ZNF804B: variants seen among roughly 807,000 people sequenced by gnomAD.
ZNF804B encodes zinc finger 804B.
In ZNF804B, 80 loss-of-function variants were observed where a neutral mutation model predicts 101.4. The observed-to-expected ratio is 0.79, with a 90% CI of 0.66 to 0.95. The LOEUF (loss-of-function observed/expected upper bound fraction) is 0.95, where lower values mean the gene tolerates loss of function less well. Among genes scored for constraint, ZNF804B ranks in the 40% least tolerant of loss-of-function variants. The pLI is 0.00. For synonymous variants in ZNF804B, 622 were observed against 558.8 expected, an observed-to-expected ratio of 1.11 and a Z score of -1.59; for missense variants, 1,673 against 1,561.9, an observed-to-expected ratio of 1.07 and a Z score of -1.20.
intron 1 of ZNF804B, among the ~76,000 whole-genome samples, chr7:88,939,630 G>A (rs1389339197): frequency 1.1e-4 from 16 of 151,694 alleles, no homozygotes; most frequent in Admixed American, 1.1e-3. Flanking sequence ...CCACAGTCGT[G>A]CACTAGATTA....
intron 1 of ZNF804B, among the ~76,000 whole-genome samples, chr7:88,907,284 C>G (rs1304115425): frequency 1.3e-5 from 2 of 151,888 alleles, no homozygotes; most frequent in South Asian, 2.1e-4. Context: ...GTCTTTTTAT[C>G]CAGTTCTTCA....
chr7:89,306,153 C>A lies in ZNF804B; in HGVS notation c.250-21191C>A, dbSNP rs562261510. 1.2e-3 allele frequency among the ~76,000 whole-genome samples: 175 copies of A among 152,058 alleles called. 2 individuals carry two copies. Among genetic ancestry groups the A allele is most frequent in the African/African-American group, 4.0e-3 (168 of 41,516 alleles). On this transcript the variant is annotated intron_variant, in intron 2 of 3. Transcript: ENST00000333190. ...CCAAGCACAATTTGTATCCAATCAG[C>A]AAACAATTCAGAGATCAAAGAAGAT... is the stretch of plus-strand genomic sequence containing the variant.
intron 1 of ZNF804B, among the ~76,000 whole-genome samples, chr7:88,890,418 T>C (rs1792199370): frequency 1.3e-5 from 2 of 152,212 alleles, no homozygotes; most frequent in Non-Finnish European, 1.5e-5. Flanking sequence ...TGGTATTGCA[T>C]GGTAAGACCA....
intron 1 of ZNF804B, among the ~76,000 whole-genome samples, chr7:88,926,455 C>T (rs1385045598): frequency 6.9e-6 from 1 of 144,390 alleles, no homozygotes; most frequent in Non-Finnish European, 1.5e-5. Flanking sequence ...AATAGCCGGG[C>T]GTAGTGGTGC....
Position 88,770,461 on chromosome 7 carries a change from G to A in ZNF804B, c.108+10377G>A, listed in dbSNP as rs576414184. Among the ~76,000 whole-genome samples, 66 of 152,288 alleles carry A rather than the reference G, an allele frequency of 4.3e-4. 1 individual carries two copies. The South Asian group carries it at 4.3e-3, about 10-fold the overall frequency. ...CAAGTAAATGGATTCTCCCATAGAG[G>A]CTCAAGAAAAATCACAGCCTTACTA... On this transcript the variant is annotated intron_variant, in intron 1 of 3. Transcript: ENST00000333190.
intron 1 of ZNF804B, among the ~76,000 whole-genome samples, chr7:88,796,647 T>G (rs1586906813): frequency 6.6e-6 from 1 of 152,246 alleles, no homozygotes; most frequent in South Asian, 2.1e-4. Context: ...TGCCCGGCAA[T>G]ACCTTCTCAC....
At chr7:89,055,213 G>A (rs1362583011) in intron 1 of ZNF804B, among the ~76,000 whole-genome samples, 1 of 152,072 alleles carries the variant, frequency 6.6e-6, no homozygotes. Flanking sequence ...CTGAGGAAAG[G>A]CTGAGTACAA....
At chr7:88,938,539 T>C (rs1031989281) in intron 1 of ZNF804B, among the ~76,000 whole-genome samples, 1 of 152,020 alleles carries the variant, frequency 6.6e-6, no homozygotes, top group African/African-American at 2.4e-5. Context: ...TATATAGGGT[T>C]AAATAAAAGC....
intron 1 of ZNF804B, among the ~76,000 whole-genome samples, chr7:88,882,701 G>A (rs531233387): frequency 6.6e-6 from 1 of 152,134 alleles, no homozygotes; most frequent in South Asian, 2.1e-4. Context: ...CATGTCATTT[G>A]TGGCAACACG....
At chr7:88,954,999 G>A (rs531230787) in intron 1 of ZNF804B, among the ~76,000 whole-genome samples, 235 of 151,024 alleles carry the variant, frequency 1.6e-3, no homozygotes, top group Non-Finnish European at 2.8e-3. Context: ...TGCGGCTCAC[G>A]GTTATAATCC....
At chr7:89,294,267 T>C (rs1313869345) in intron 2 of ZNF804B, among the ~76,000 whole-genome samples, 1 of 152,218 alleles carries the variant, frequency 6.6e-6, no homozygotes, top group African/African-American at 2.4e-5. Flanking sequence ...CTTTAAACTC[T>C]GTAATGCCAA....
At chr7:89,274,123 T>G (rs1789939460) in intron 2 of ZNF804B, among the ~76,000 whole-genome samples, 1 of 150,154 alleles carries the variant, frequency 6.7e-6, no homozygotes, top group Non-Finnish European at 1.5e-5. Context: ...CCCTGCTTCA[T>G]TCTTTTTTTT....
chr7:88,931,518 A>G (rs1451208092), intron 1 of ZNF804B, among the ~76,000 whole-genome samples: 2 of 152,050 alleles, frequency 1.3e-5, no homozygotes, highest in African/African-American at 2.4e-5. Flanking sequence ...ATACTACATT[A>G]GTTGTCTATG....
chr7:89,153,535 C>T (rs754207498), intron 1 of ZNF804B, among the ~76,000 whole-genome samples: 3 of 151,392 alleles, frequency 2.0e-5, no homozygotes, highest in East Asian at 3.9e-4. Flanking sequence ...AATGAATTTC[C>T]GAAGCCTGGT....
intron 1 of ZNF804B, among the ~76,000 whole-genome samples, chr7:88,918,884 A>G (rs1224881402): frequency 6.6e-6 from 1 of 152,120 alleles, no homozygotes; most frequent in Non-Finnish European, 1.5e-5. Flanking sequence ...TATATTTCTT[A>G]CATACAGAGT....
At chr7:88,903,325 G>A (rs951165610) in intron 1 of ZNF804B, among the ~76,000 whole-genome samples, 2 of 152,078 alleles carry the variant, frequency 1.3e-5, no homozygotes, top group Non-Finnish European at 2.9e-5. Flanking sequence ...TAGTGTATCT[G>A]TACCACGTTT....
At chr7:88,772,288 C>A (rs1440309332) in intron 1 of ZNF804B, among the ~76,000 whole-genome samples, 1 of 152,100 alleles carries the variant, frequency 6.6e-6, no homozygotes, top group Non-Finnish European at 1.5e-5. Context: ...TACAAAAAAA[C>A]CATAAATCTT....
At chr7:88,763,679 C>G (rs1789933670) in intron 1 of ZNF804B, among the ~76,000 whole-genome samples, 1 of 151,988 alleles carries the variant, frequency 6.6e-6, no homozygotes, top group African/African-American at 2.4e-5. Context: ...CCGACTCTAT[C>G]TAAACTCTAA....
At chr7:88,854,459 C>CT (rs1195733690) in intron 1 of ZNF804B, among the ~76,000 whole-genome samples, 45 of 113,052 alleles carry the variant, frequency 4.0e-4, no homozygotes, top group Admixed American at 3.3e-3. Flanking sequence ...TTCTTTCTTT[C>CT]TTTCTTTCTT....
Sources: allele counts gnomAD v4.1 joint callset (sites outside exome capture counted in the v4.1 genomes callset), GRCh38; gene constraint gnomAD v4.1.1; transcripts MANE v1.5; gene names NCBI Gene and HGNC (gene_info 2026-07-23, HGNC 2026-07-21).